CAMTA1: variants seen among roughly 807,000 people sequenced by gnomAD.
CAMTA1 encodes calmodulin-binding transcription activator 1.
CAMTA1 carries 27 observed loss-of-function variants against 170.9 expected under a neutral mutation model. The observed-to-expected ratio is 0.16, with a 90% confidence interval of 0.12 to 0.22. The LOEUF (loss-of-function observed/expected upper bound fraction) is 0.22, where lower values mean the gene tolerates loss of function less well. CAMTA1 is among the 10% of genes least tolerant of loss of function. The probability of loss-of-function intolerance (pLI) is 1.00; values close to 1 mark genes in which losing one functional copy is unlikely to be tolerated. For missense variants in CAMTA1, 1,619 were observed against 2,217.2 expected, an observed-to-expected ratio of 0.73 and a Z score of 5.42; for synonymous variants, 833 against 891.5, an observed-to-expected ratio of 0.93 and a Z score of 1.17.
At chr1:6,947,329 T>A (rs771744281) in intron 3 of CAMTA1, among the ~76,000 whole-genome samples, 1 of 152,160 alleles carries the variant, frequency 6.6e-6, no homozygotes, top group Non-Finnish European at 1.5e-5. Flanking sequence ...TGGGAATGCA[T>A]CCCATGGAAA....
intron 4 of CAMTA1, among the ~76,000 whole-genome samples, chr1:7,181,847 T>C (rs1652230871): frequency 6.6e-6 from 1 of 152,032 alleles, no homozygotes; most frequent in South Asian, 2.1e-4. Context: ...TTTATGGAGC[T>C]ACACAACTGA....
chr1:7,412,194 T>C (rs2090825249), intron 5 of CAMTA1, among the ~76,000 whole-genome samples: 1 of 152,204 alleles, frequency 6.6e-6, no homozygotes, highest in South Asian at 2.1e-4. Context: ...GTCTTTGCTA[T>C]CGTGAATAGT....
At chr1:7,705,353 C>T (rs1405583571) in intron 11 of CAMTA1, among the ~76,000 whole-genome samples, 1 of 146,554 alleles carries the variant, frequency 6.8e-6, no homozygotes, top group Non-Finnish European at 1.5e-5. Context: ...CTGGAGTGGC[C>T]GAGGGCGTGA....
At position 7,680,672 on chromosome 1, in the gene CAMTA1, G is replaced by C. The variant is rs1427868132; in HGVS notation, c.2914+2939G>C. ...GTGGGCGGCGAGCCCTGGCTCCCTC[G>C]TTCGGTGGCCTCTGCTGCATGTGGG... On this transcript the variant is annotated intron_variant, in intron 11 of 22. Transcript: ENST00000303635. The surrounding 1 kb of genome is among the most constrained non-coding windows in gnomAD (Gnocchi z 4.4). 1.3e-5 allele frequency among the ~76,000 whole-genome samples: 2 copies of C among 152,072 alleles called. No individual in the cohort carries two copies. The highest frequency in any genetic ancestry group is 2.9e-5 in the Non-Finnish European group (2 of 67,986).
chr1:7,211,069 T>C (rs928471107), intron 4 of CAMTA1, among the ~76,000 whole-genome samples: 20 of 152,228 alleles, frequency 1.3e-4, no homozygotes, highest in African/African-American at 4.8e-4. Flanking sequence ...GGTTCTTTAA[T>C]GAACATTTTA....
At chr1:7,408,928 G>A (rs995739011) in intron 5 of CAMTA1, among the ~76,000 whole-genome samples, 14 of 152,202 alleles carry the variant, frequency 9.2e-5, no homozygotes, top group Admixed American at 3.3e-4. Flanking sequence ...CCAGCCAGGT[G>A]TTCCAACCTC....
intron 7 of CAMTA1, among the ~76,000 whole-genome samples, chr1:7,653,108 G>A (rs2095858183): frequency 6.6e-6 from 1 of 152,186 alleles, no homozygotes; most frequent in African/African-American, 2.4e-5. Flanking sequence ...GCAGGTTGGG[G>A]CGGGGCCTGA....
In CAMTA1 at chr1:7,129,948, TGTGTGTGA is replaced by T. The variant is rs935461476; in HGVS notation, c.302+38579_302+38586del. On this transcript the variant is annotated intron_variant, in intron 4 of 22. Coordinates refer to ENST00000303635, the MANE Select transcript of CAMTA1 (RefSeq NM_015215.4). Reference sequence around the variant, plus strand: ...GTGTGTGTGTGTGTGTGTGTGTGTGTGTGTGTGAGATGGAGTTTTACTCTGTCACCCAG... The same window carrying T: ...GTGTGTGTGTGTGTGTGTGTGTGTGTGATGGAGTTTTACTCTGTCACCCAG... Among the ~76,000 whole-genome samples the T allele has an allele frequency of 3.3e-5, 5 of 151,964 alleles. No homozygotes were observed. The South Asian group carries it at 8.3e-4, about 25-fold the overall frequency.
chr1:7,476,576 C>A (rs1250245264), intron 6 of CAMTA1, among the ~76,000 whole-genome samples: 1 of 152,180 alleles, frequency 6.6e-6, no homozygotes, highest in Non-Finnish European at 1.5e-5. Context: ...ACACACCTCA[C>A]CCGGCACAGG....
At position 7,585,565 on chromosome 1, in the gene CAMTA1, G is replaced by A. The variant is rs983121912; in HGVS notation, c.511-54835G>A. On this transcript the variant is annotated intron_variant, in intron 6 of 22. Coordinates refer to ENST00000303635, the MANE Select transcript of CAMTA1 (RefSeq NM_015215.4). This position sits in a 1 kb window ranked among gnomAD's most constrained non-coding sequence, Gnocchi z 4.8. ...CATTGTAAGGACTTGGGGTTTCACC[G>A]TGAGTGTGGAGGGGAGCCAGTGAAA... Among the ~76,000 whole-genome samples the A allele has an allele frequency of 1.2e-4, 18 of 152,168 alleles. No homozygotes were observed. The highest frequency in any genetic ancestry group is 2.1e-4 in the South Asian group (1 of 4,836).
At chr1:6,968,668 C>T (rs978318309) in intron 3 of CAMTA1, among the ~76,000 whole-genome samples, 14 of 151,684 alleles carry the variant, frequency 9.2e-5, no homozygotes, top group Admixed American at 2.6e-4. Flanking sequence ...CATCCATTCC[C>T]GGTGGGTCAG....
rs144714277 is a variant in CAMTA1 at position 7,097,200 on chromosome 1, C to T, written c.302+5829C>T. Among the ~76,000 whole-genome samples, 930 of 152,356 alleles carry T rather than the reference C, an allele frequency of 6.1e-3. 10 individuals are homozygous for T. The highest frequency in any genetic ancestry group is 0.017 in the South Asian group (80 of 4,830). On this transcript the variant is annotated intron_variant, in intron 4 of 22. Coordinates refer to ENST00000303635, the MANE Select transcript of CAMTA1 (RefSeq NM_015215.4). ...ATTCAGCTGTCATGAGTGAGTCTTT[C>T]TTCCCCAGTGGGGTGGCGGGTTCCC...
chr1:7,291,288 A>G (rs575427099), intron 5 of CAMTA1, among the ~76,000 whole-genome samples: 1 of 152,250 alleles, frequency 6.6e-6, no homozygotes, highest in East Asian at 1.9e-4. Context: ...GAATCTCCCT[A>G]GAGTGTATCT....
chr1:7,000,715 C>T (rs912031408), intron 3 of CAMTA1, among the ~76,000 whole-genome samples: 8 of 152,308 alleles, frequency 5.3e-5, no homozygotes, highest in African/African-American at 1.9e-4. Flanking sequence ...CTTCCACATT[C>T]CCACCCTTAC....
intron 4 of CAMTA1, among the ~76,000 whole-genome samples, chr1:7,103,144 G>T (rs1340975516): frequency 6.6e-6 from 1 of 151,798 alleles, no homozygotes; most frequent in Non-Finnish European, 1.5e-5. Flanking sequence ...GGGGTGGGGG[G>T]TACCCTTGAA....
At chr1:6,806,825 G>T (rs1347086743) in intron 1 of CAMTA1, among the ~76,000 whole-genome samples, 2 of 152,184 alleles carry the variant, frequency 1.3e-5, no homozygotes, top group Non-Finnish European at 2.9e-5. Flanking sequence ...CAATAAAATT[G>T]TGACATTAAA....
intron 5 of CAMTA1, among the ~76,000 whole-genome samples, chr1:7,263,924 C>A (rs1668528826): frequency 6.6e-6 from 1 of 152,110 alleles, no homozygotes; most frequent in South Asian, 2.1e-4. Context: ...TTTTAATGCT[C>A]CTAATATGAT....
chr1:7,352,836 T>C (rs2084790043), intron 5 of CAMTA1, among the ~76,000 whole-genome samples: 1 of 152,110 alleles, frequency 6.6e-6, no homozygotes, highest in African/African-American at 2.4e-5. Flanking sequence ...AAGGCCCGGA[T>C]CTTGAGGGAA....
chr1:7,628,336 G>A (rs531607550), intron 6 of CAMTA1, among the ~76,000 whole-genome samples: 1 of 152,348 alleles, frequency 6.6e-6, no homozygotes, highest in East Asian at 1.9e-4. Flanking sequence ...GTCTCTCTCT[G>A]AGCCAGTCGA....
Sources: allele counts gnomAD v4.1 joint callset (sites outside exome capture counted in the v4.1 genomes callset), GRCh38; gene constraint gnomAD v4.1.1; non-coding constraint Gnocchi (gnomAD v3.1); transcripts MANE v1.5; gene names NCBI Gene and HGNC (gene_info 2026-07-23, HGNC 2026-07-21).